EBF3: variants seen among roughly 807,000 people sequenced by gnomAD.
EBF3 encodes transcription factor COE3.
In EBF3, 18 loss-of-function variants were observed where a neutral mutation model predicts 77.1. The observed-to-expected ratio is 0.23, with a 90% CI of 0.16 to 0.35. EBF3 has a LOEUF of 0.35. Ranked by LOEUF, EBF3 falls within the 10% of genes least tolerant of loss-of-function variation. The pLI is 1.00. For synonymous variants in EBF3, 350 were observed against 343.5 expected, an observed-to-expected ratio of 1.02 and a Z score of -0.21; for missense variants, 558 against 860.0, an observed-to-expected ratio of 0.65 and a Z score of 4.39.
chr10:129,917,651 CAAAAAAAAAAAAAAA>C (rs71481019), intron 6 of EBF3, among the ~76,000 whole-genome samples: 3 of 23,596 alleles, frequency 1.3e-4, no homozygotes, highest in Admixed American at 7.8e-4. Flanking sequence ...GACCCTGCCT[CAAAAAAAAAAAAAAA>C]AAAAAAAAAA....
chr10:129,950,720 A>G (rs1297249977), intron 6 of EBF3, among the ~76,000 whole-genome samples: 2 of 152,234 alleles, frequency 1.3e-5, no homozygotes, highest in East Asian at 3.8e-4. Flanking sequence ...TAAAGCATGA[A>G]TAATGCCAGC....
chr10:129,887,067 G>A (rs1205218707), intron 6 of EBF3, among the ~76,000 whole-genome samples: 1 of 92,312 alleles, frequency 1.1e-5, no homozygotes, highest in Admixed American at 1.0e-4. Flanking sequence ...GGGGGGGGGG[G>A]AGGTGAATAG....
chr10:129,907,514 G>C (rs1589831976), intron 6 of EBF3, among the ~76,000 whole-genome samples: 1 of 152,152 alleles, frequency 6.6e-6, no homozygotes, highest in Non-Finnish European at 1.5e-5. Context: ...TCCTTTCCCA[G>C]AGCTGCCTCA....
chr10:129,873,349 G>C, intron 8 of EBF3, 103 bp downstream of exon 8: 2 of 1,315,864 alleles, frequency 1.5e-6, no homozygotes, highest in Middle Eastern at 2.1e-4. Context: ...GTCTGACCAA[G>C]GGCGGGGGCC....
intron 10 of EBF3, among the ~76,000 whole-genome samples, chr10:129,856,035 C>A (rs1225280509): frequency 6.6e-6 from 1 of 152,346 alleles, no homozygotes; most frequent in South Asian, 2.1e-4. Context: ...GTGGGCCACA[C>A]TCCCGTGGGG....
chr10:129,858,750 T>G (rs1851422664), intron 10 of EBF3, among the ~76,000 whole-genome samples: 1 of 151,894 alleles, frequency 6.6e-6, no homozygotes, highest in Non-Finnish European at 1.5e-5. Context: ...ATGCCTAGAG[T>G]GCGGGTCCAG....
chr10:129,932,335 C>T (rs1857079046), intron 6 of EBF3, among the ~76,000 whole-genome samples: 2 of 152,210 alleles, frequency 1.3e-5, no homozygotes, highest in Admixed American at 1.3e-4. Context: ...TGGCAGCCAG[C>T]CCTCACCCCT....
rs1192445062 is a variant in EBF3 at position 129,943,945 on chromosome 10, C to T, written c.554+13313G>A. 1.3e-5 allele frequency among the ~76,000 whole-genome samples: 2 copies of T among 152,182 alleles called. No individual in the cohort carries two copies. The highest frequency in any genetic ancestry group is 6.5e-5 in the Admixed American group (1 of 15,280). On this transcript the variant is annotated intron_variant, in intron 6 of 16. Transcript: ENST00000440978. This position sits in a 1 kb window ranked among gnomAD's most constrained non-coding sequence, Gnocchi z 8.8. The stretch of plus-strand genomic sequence containing the variant: ...AACCAGTCGCTCTGAGGGTGCAGCG[C>T]GTGTGTCCATGGGTAAAATATCTCC...
intron 4 of EBF3, 88 bp downstream of exon 4, chr10:129,962,083 G>C (rs559859134): frequency 4.1e-6 from 5 of 1,224,196 alleles, no homozygotes; most frequent in African/African-American, 3.0e-5. Context: ...AAATACACGA[G>C]ATCCATTTGT....
chr10:129,933,873 C>T (rs1489579976), intron 6 of EBF3, among the ~76,000 whole-genome samples: 1 of 152,188 alleles, frequency 6.6e-6, no homozygotes, highest in African/African-American at 2.4e-5. Flanking sequence ...GCGCCAGCAC[C>T]TGCCTCTCCC....
rs567902434 is a variant in EBF3, at chr10:129,865,523, C to T, written c.1039+1618G>A. 2.9e-4 allele frequency among the ~76,000 whole-genome samples: 44 copies of T among 152,248 alleles called. 1 individual carries two copies. In the South Asian group the frequency reaches 9.1e-3, roughly 32 times the overall value. ...CGCCTGGTCCTGTGTGTGCTGGTCCCACAGAAGGTGGCCCCTAGTGTGGGG... is the reference window on the plus strand; with the variant it reads ...CGCCTGGTCCTGTGTGTGCTGGTCCTACAGAAGGTGGCCCCTAGTGTGGGG... On this transcript the variant is annotated intron_variant, in intron 10 of 16. Transcript: ENST00000440978.
At chr10:129,929,230 G>T (rs534441614) in intron 6 of EBF3, among the ~76,000 whole-genome samples, 1 of 151,662 alleles carries the variant, frequency 6.6e-6, no homozygotes, top group African/African-American at 2.4e-5. Context: ...TTTGAGACAG[G>T]GTCTGGCTTT....
intron 6 of EBF3, among the ~76,000 whole-genome samples, chr10:129,906,024 G>T (rs1855119050): frequency 6.6e-6 from 1 of 152,202 alleles, no homozygotes; most frequent in South Asian, 2.1e-4. Flanking sequence ...AATAAAAGCA[G>T]CCTTACTCAG....
intron 6 of EBF3, among the ~76,000 whole-genome samples, chr10:129,901,583 A>C (rs1033551506): frequency 2.0e-5 from 3 of 152,216 alleles, no homozygotes; most frequent in African/African-American, 7.2e-5. Flanking sequence ...ATTTATCCTC[A>C]TTATTGTGTA....
intron 6 of EBF3, among the ~76,000 whole-genome samples, chr10:129,892,170 C>G (rs1019248273): frequency 6.6e-6 from 1 of 152,226 alleles, no homozygotes; most frequent in Non-Finnish European, 1.5e-5. Context: ...GGGTCCCAGG[C>G]TCCAACTGAT....
intron 6 of EBF3, among the ~76,000 whole-genome samples, chr10:129,911,616 G>A (rs1271935045): frequency 6.6e-6 from 1 of 152,230 alleles, no homozygotes; most frequent in African/African-American, 2.4e-5. Context: ...CACGGGATGG[G>A]AAGAGGGGTG....
intron 6 of EBF3, among the ~76,000 whole-genome samples, chr10:129,927,667 AGTC>A (rs989704371): frequency 1.3e-5 from 2 of 152,136 alleles, no homozygotes; most frequent in African/African-American, 4.8e-5. Flanking sequence ...ATTTCTTCAT[AGTC>A]GTCTTCTTCC....
At position 129,884,534 on chromosome 10, in the gene EBF3, T is replaced by C. The variant is rs548546371; in HGVS notation, c.555-6685A>G. On this transcript the variant is annotated intron_variant, in intron 6 of 16. Transcript: ENST00000440978. ...ACAAATTGCTTTAACACCAGACTTA[T>C]TAAATTCTTGTACATTTCAAGTTAT... 2.6e-5 allele frequency among the ~76,000 whole-genome samples: 4 copies of C among 152,332 alleles called. No individual in the cohort carries two copies. In the South Asian group the frequency reaches 8.3e-4, roughly 32 times the overall value.
intron 6 of EBF3, among the ~76,000 whole-genome samples, chr10:129,899,862 A>C (rs1471806892): frequency 3.9e-5 from 6 of 152,162 alleles, no homozygotes. Context: ...TAGTTAAATT[A>C]ATTTTCTCTC....
Sources: gnomAD v4.1 joint callset for allele counts (sites outside exome capture counted in the v4.1 genomes callset) on GRCh38, gnomAD v4.1.1 for gene constraint, Gnocchi (gnomAD v3.1) non-coding constraint, MANE v1.5 for transcripts, NCBI Gene and HGNC (gene_info 2026-07-23, HGNC 2026-07-21) for gene names.